ACVR1C: variants seen among roughly 807,000 people sequenced by gnomAD.
ACVR1C encodes the protein activin A receptor type 1C.
In ACVR1C, 23 loss-of-function variants were observed where a neutral mutation model predicts 57.9. That is an observed-to-expected ratio of 0.40 (90% CI 0.29 to 0.56). ACVR1C has a LOEUF of 0.56. ACVR1C is among the 20% of genes least tolerant of loss of function. ACVR1C has a pLI of 0.50. For missense variants in ACVR1C, 480 were observed against 607.9 expected (o/e 0.79, Z 2.21); for synonymous variants, 214 against 215.3 (o/e 0.99, Z 0.05).
intron 1 of ACVR1C, among the ~76,000 whole-genome samples, chr2:157,611,188 T>A (rs1262972770): frequency 6.6e-6 from 1 of 152,220 alleles, no homozygotes; most frequent in Non-Finnish European, 1.5e-5. Context: ...AGGAGAGGAC[T>A]TTTTCCTGAA....
intron 1 of ACVR1C, among the ~76,000 whole-genome samples, chr2:157,609,547 T>A (rs1389681408): frequency 6.6e-6 from 1 of 152,012 alleles, no homozygotes; most frequent in African/African-American, 2.4e-5. Flanking sequence ...AGATAAACTG[T>A]CTAATGCTGA....
intron 2 of ACVR1C, among the ~76,000 whole-genome samples, chr2:157,578,591 G>A (rs1310122501): frequency 6.6e-6 from 1 of 151,980 alleles, no homozygotes; most frequent in Admixed American, 6.6e-5. Flanking sequence ...TCTGCCTGAA[G>A]TACCTCCTTC....
At chr2:157,566,718 GGA>G (rs1014694957) in intron 2 of ACVR1C, among the ~76,000 whole-genome samples, 6 of 151,804 alleles carry the variant, frequency 4.0e-5, no homozygotes, top group Middle Eastern at 3.4e-3. Flanking sequence ...CTACGCCCAG[GGA>G]GTCTCGCTGA....
intron 1 of ACVR1C, among the ~76,000 whole-genome samples, chr2:157,593,234 A>C (rs1475986026): frequency 2.0e-5 from 3 of 152,144 alleles, no homozygotes; most frequent in African/African-American, 7.2e-5. Context: ...ATCTGACTAC[A>C]AAAAAGAACC....
chr2:157,619,236 T>TA (rs766821271), intron 1 of ACVR1C, among the ~76,000 whole-genome samples: 3,355 of 141,154 alleles, frequency 0.024, 35 homozygotes, highest in African/African-American at 0.039. Context: ...TAGAATTCTG[T>TA]AAAAAAAAAA....
chr2:157,547,387 C>T (rs1194663242), intron 4 of ACVR1C, among the ~76,000 whole-genome samples: 6 of 55,312 alleles, frequency 1.1e-4, no homozygotes, highest in African/African-American at 2.5e-4. Context: ...CCTGAGGAAT[C>T]GCCACACTGA....
In ACVR1C at chr2:157,547,285, C is replaced by T. The variant is rs1171777465; in HGVS notation, c.776-2673G>A. 3.2e-4 allele frequency among the ~76,000 whole-genome samples: 34 copies of T among 105,782 alleles called. 1 individual carries two copies. The highest frequency in any genetic ancestry group is 8.6e-4 in the African/African-American group (28 of 32,624). The allele number at this position is 105,782 out of a possible 152,430, so 69.4% of individuals were successfully genotyped here. A position where few individuals can be genotyped will look rare whatever the true frequency, so the allele number is the denominator to read the frequency against. On this transcript the variant is annotated intron_variant, in intron 4 of 8. Coordinates refer to ENST00000243349, the MANE Select transcript of ACVR1C (RefSeq NM_145259.3). ...TAATGCCGCAATAAACACATGTGTG[C>T]ATGTGTCTTTATAGCAGCATGATTT...
At position 157,527,299 on chromosome 2, in the gene ACVR1C, T is replaced by G. The variant is rs1437104087; in HGVS notation, c.*6619A>C. On this transcript the variant is annotated 3_prime_UTR_variant, in exon 9 of 9. Coordinates refer to ENST00000243349, the MANE Select transcript of ACVR1C (RefSeq NM_145259.3). ...ATATTCCTTCCTTATATACATTCCT[T>G]TGGGCCTGTCGGCTGAAAGACAATC... The G allele has an allele frequency of 2.6e-5, 4 of 152,206 alleles. No individual in the cohort carries two copies. Among genetic ancestry groups the G allele is most frequent in the Non-Finnish European group, 4.4e-5 (3 of 68,032 alleles). 9.4% of individuals were successfully genotyped at this position (152,206 alleles called of 1,614,324 possible). A position where few individuals can be genotyped will look rare whatever the true frequency, so the allele number is the denominator to read the frequency against.
intron 3 of ACVR1C, among the ~76,000 whole-genome samples, chr2:157,552,924 A>T (rs1182927562): frequency 6.6e-6 from 1 of 152,232 alleles, no homozygotes; most frequent in East Asian, 1.9e-4. Context: ...GTTAGCTTTC[A>T]ATAATGTCAC....
chr2:157,554,238 A>AGAAC (rs1491339689), intron 3 of ACVR1C, among the ~76,000 whole-genome samples: 1 of 135,476 alleles, frequency 7.4e-6, no homozygotes, highest in Non-Finnish European at 1.5e-5. Flanking sequence ...AAAGAAAGAA[A>AGAAC]GAAAGAAAGA....
At chr2:157,575,152 G>C (rs2105244333) in intron 2 of ACVR1C, among the ~76,000 whole-genome samples, 1 of 150,426 alleles carries the variant, frequency 6.6e-6, no homozygotes, top group African/African-American at 2.4e-5. Flanking sequence ...TTTTTTGACG[G>C]AGTTTTGCTT....
rs1687348907 is a variant in ACVR1C at position 157,531,470 on chromosome 2, CAAAT to C, written c.*2444_*2447del. ...ATATGAAATTATATTTAGACACCCT[CAAAT>C]AAGCTACAAAACATAATGACAAGAA... is the stretch of plus-strand genomic sequence containing the variant. On this transcript the variant is annotated 3_prime_UTR_variant, in exon 9 of 9. Transcript: ENST00000243349. 1 of 151,930 alleles carries C rather than the reference CAAAT, an allele frequency of 6.6e-6. No homozygotes were observed. Among genetic ancestry groups the C allele is most frequent in the East Asian group, 1.9e-4 (1 of 5,196 alleles). 9.4% of individuals were successfully genotyped at this position (151,930 alleles called of 1,614,324 possible).
rs542085629 is a variant in ACVR1C at position 157,527,501 on chromosome 2, T to C, written c.*6417A>G. On this transcript the variant is annotated 3_prime_UTR_variant, in exon 9 of 9. Coordinates refer to ENST00000243349, the MANE Select transcript of ACVR1C (RefSeq NM_145259.3). ...CACGCTACCAAAAGAAAAGTATAAT[T>C]AGTATTAGTACTTTGAAAGTCAATC... 2 of 152,310 alleles carry C rather than the reference T, an allele frequency of 1.3e-5. No homozygotes were observed. Among genetic ancestry groups the C allele is most frequent in the South Asian group, 2.1e-4 (1 of 4,828 alleles). The allele number at this position is 152,310 out of a possible 1,614,324, so 9.4% of individuals were successfully genotyped here. A position where few individuals can be genotyped will look rare whatever the true frequency, so the allele number is the denominator to read the frequency against.
chr2:157,552,101 A>G (rs769429139), intron 3 of ACVR1C, among the ~76,000 whole-genome samples: 10 of 152,188 alleles, frequency 6.6e-5, no homozygotes, highest in Non-Finnish European at 1.2e-4. Flanking sequence ...GAAGCAAACT[A>G]TAAGACTGTT....
At chr2:157,625,430 A>G (rs1682873972) in intron 1 of ACVR1C, among the ~76,000 whole-genome samples, 1 of 152,164 alleles carries the variant, frequency 6.6e-6, no homozygotes. Context: ...GCCTCTTGCC[A>G]CATCTGTGTC....
chr2:157,570,650 C>T (rs1416809984), intron 2 of ACVR1C, among the ~76,000 whole-genome samples: 1 of 56,152 alleles, frequency 1.8e-5, no homozygotes, highest in African/African-American at 8.1e-5. Flanking sequence ...AGGAATCCAA[C>T]TTACAAGGGA....
intron 2 of ACVR1C, among the ~76,000 whole-genome samples, chr2:157,561,320 T>G (rs772862085): frequency 2.0e-5 from 3 of 152,244 alleles, no homozygotes; most frequent in Non-Finnish European, 4.4e-5. Flanking sequence ...AGAAAGCATT[T>G]CTTTCTCCAG....
intron 2 of ACVR1C, among the ~76,000 whole-genome samples, chr2:157,585,327 CAT>C (rs909079906): frequency 1.1e-4 from 16 of 152,008 alleles, no homozygotes; most frequent in Middle Eastern, 3.2e-3. Flanking sequence ...AATAATAAAA[CAT>C]GTGCATTTTA....
At chr2:157,581,190 A>G (rs1480343012) in intron 2 of ACVR1C, among the ~76,000 whole-genome samples, 3 of 152,174 alleles carry the variant, frequency 2.0e-5, no homozygotes, top group African/African-American at 7.2e-5. Flanking sequence ...AAGGTTTCCC[A>G]AGACCATGAG....
Sources: allele counts gnomAD v4.1 joint callset (sites outside exome capture counted in the v4.1 genomes callset), GRCh38; gene constraint gnomAD v4.1.1; transcripts MANE v1.5; gene names NCBI Gene and HGNC (gene_info 2026-07-23, HGNC 2026-07-21).